NPY: variants seen among roughly 807,000 people sequenced by gnomAD.
NPY encodes neuropeptide Y.
NPY carries 11 observed loss-of-function variants against 13.2 expected under a neutral mutation model. The ratio of observed to expected loss-of-function variants is 0.83; its 90% CI spans 0.52 to 1.38. The LOEUF is 1.38. Among genes scored for constraint, NPY ranks in the 40% most tolerant of loss-of-function variants. The probability of loss-of-function intolerance (pLI) is 0.00; values close to 1 mark genes in which losing one functional copy is unlikely to be tolerated. For synonymous variants in NPY, 51 were observed against 55.6 expected (o/e 0.92, Z 0.37); for missense variants, 109 against 125.1 (o/e 0.87, Z 0.61).
chr7:24,288,005 A>G (rs1161076499), intron 2 of NPY, among the ~76,000 whole-genome samples: 1 of 152,202 alleles, frequency 6.6e-6, no homozygotes, highest in African/African-American at 2.4e-5. Flanking sequence ...TTTGAAAGTT[A>G]CAGCATTGTA....
Position 24,285,102 on chromosome 7 carries a change from C to T in NPY, c.1-139C>T. Reference sequence around the variant, plus strand: ...GTGGTGCTAGCCACTCCTGGGTTCTCTCTGCGGGACTGGGACGAGAGCGGA... The same window carrying T: ...GTGGTGCTAGCCACTCCTGGGTTCTTTCTGCGGGACTGGGACGAGAGCGGA... On this transcript the variant is annotated intron_variant, in intron 1 of 3. Transcript: ENST00000242152. The surrounding 1 kb of genome is among the most constrained non-coding windows in gnomAD (Gnocchi z 4.9). The T allele has an allele frequency of 1.1e-6, 1 of 904,174 alleles. No homozygotes were observed. The highest frequency in any genetic ancestry group is 2.5e-5 in the East Asian group (1 of 40,658). 56.0% of individuals were successfully genotyped at this position (904,174 alleles called of 1,614,324 possible). A position where few individuals can be genotyped will look rare whatever the true frequency, so the allele number is the denominator to read the frequency against.
chr7:24,289,738 CTT>C (rs1787533425), intron 3 of NPY, among the ~76,000 whole-genome samples, 159 bp downstream of exon 3: 1 of 152,134 alleles, frequency 6.6e-6, no homozygotes, highest in African/African-American at 2.4e-5. Context: ...GGAGACCTCT[CTT>C]TTCATGTACT....
rs1362411781 is a variant in NPY at position 24,291,720 on chromosome 7, T to A, written c.*33T>A. ...TGAGACTTGCTCTCTGGCCTTTTCCTATTTTCAGCCCATATTTCATCGTGT... is the reference window on the plus strand; with the variant it reads ...TGAGACTTGCTCTCTGGCCTTTTCCAATTTTCAGCCCATATTTCATCGTGT... On this transcript the variant is annotated 3_prime_UTR_variant, in exon 4 of 4. Transcript: ENST00000242152. The A allele has an allele frequency of 6.2e-7, 1 of 1,613,710 alleles. No homozygotes were observed.
Position 24,289,562 on chromosome 7 carries a change from A to G in NPY, c.252A>G (p.Glu84=), listed in dbSNP as rs1482685752. 6.2e-7 allele frequency: 1 copy of G among 1,610,558 alleles called. No homozygotes were observed. The highest frequency in any genetic ancestry group is 1.7e-5 in the Admixed American group (1 of 59,558). The change falls in exon 3 of 4, where the codon GAA becomes GAG. Residue 84 remains glutamate, a synonymous_variant. Transcript: ENST00000242152. ...ISDLLMREST[E]NVPRTRLEDP... ...ACCTCTTGATGAGAGAAAGCACAGA[A>G]AATGTTCCCAGAACTCGGTATGACA...
At position 24,291,750 on chromosome 7, in the gene NPY, C is replaced by A; in HGVS notation, c.*63C>A. ...TCAGCCCATATTTCATCGTGTAAAA[C>A]GAGAATCCACCCATCCTACCAATGC... is the stretch of plus-strand genomic sequence containing the variant. On this transcript the variant is annotated 3_prime_UTR_variant, in exon 4 of 4. Transcript: ENST00000242152. 1 of 1,589,076 alleles carries A rather than the reference C, an allele frequency of 6.3e-7. No homozygotes were observed. The highest frequency in any genetic ancestry group is 8.6e-7 in the Non-Finnish European group (1 of 1,157,974).
rs5573 is a variant in NPY, at chr7:24,285,390, G to A, written c.150G>A (p.Ser50=). The stretch of plus-strand genomic sequence containing the variant: ...CGGAGGACATGGCCAGATACTACTC[G>A]GCGCTGCGACACTACATCAACCTCA... ...APAEDMARYY[S]ALRHYINLIT... is the part of the protein sequence containing the mutation. Residue 50 remains serine (S), a synonymous_variant, in exon 2 of 4, where the codon TCG becomes TCA. Coordinates refer to ENST00000242152, the MANE Select transcript of NPY (RefSeq NM_000905.4). The surrounding 1 kb of genome is among the most constrained non-coding windows in gnomAD (Gnocchi z 4.9). 0.52 allele frequency: 835,118 copies of A among 1,613,318 alleles called. 218,988 individuals are homozygous for A. Among genetic ancestry groups the A allele is most frequent in the Admixed American group, 0.67 (40,440 of 59,968 alleles).
chr7:24,290,298 T>C (rs1446780702), intron 3 of NPY, among the ~76,000 whole-genome samples: 3 of 152,150 alleles, frequency 2.0e-5, no homozygotes, highest in Admixed American at 2.0e-4. Flanking sequence ...CCTGGTCCTC[T>C]TCCATCTTCA....
chr7:24,290,767 A>AT (rs1787569826), intron 3 of NPY, among the ~76,000 whole-genome samples: 1 of 66,466 alleles, frequency 1.5e-5, no homozygotes, highest in Admixed American at 1.9e-4. Flanking sequence ...TTAAATAATA[A>AT]TAATAATAAT....
At chr7:24,286,497 T>C (rs1787386228) in intron 2 of NPY, among the ~76,000 whole-genome samples, 1 of 152,198 alleles carries the variant, frequency 6.6e-6, no homozygotes, top group South Asian at 2.1e-4. Flanking sequence ...TATTTATTTA[T>C]TTAGTCCATA....
chr7:24,291,744 G>A lies in NPY; in HGVS notation c.*57G>A. ...CTATTTTCAGCCCATATTTCATCGT[G>A]TAAAACGAGAATCCACCCATCCTAC... On this transcript the variant is annotated 3_prime_UTR_variant, in exon 4 of 4. Coordinates refer to ENST00000242152, the MANE Select transcript of NPY (RefSeq NM_000905.4). 2 of 1,604,850 alleles carry A rather than the reference G, an allele frequency of 1.2e-6. No individual in the cohort carries two copies. The highest frequency in any genetic ancestry group is 8.5e-7 in the Non-Finnish European group (1 of 1,172,108).
intron 2 of NPY, among the ~76,000 whole-genome samples, chr7:24,286,983 G>C (rs1388340834): frequency 1.3e-5 from 2 of 152,072 alleles, no homozygotes; most frequent in African/African-American, 4.8e-5. Context: ...TGTTTTCCTA[G>C]GCATTCTCTC....
At position 24,285,036 on chromosome 7, in the gene NPY, G is replaced by C; in HGVS notation, c.1-205G>C. 2 of 600,438 alleles carry C rather than the reference G, an allele frequency of 3.3e-6. No individual in the cohort carries two copies. Among genetic ancestry groups the C allele is most frequent in the Non-Finnish European group, 5.9e-6 (2 of 337,844 alleles). The allele number at this position is 600,438 out of a possible 1,614,324, so 37.2% of individuals were successfully genotyped here. On this transcript the variant is annotated intron_variant, in intron 1 of 3. Transcript: ENST00000242152. The surrounding 1 kb of genome is among the most constrained non-coding windows in gnomAD (Gnocchi z 4.9). ...TTGCGCGAAGTTTTCAGGTGGAGCA[G>C]AGGGGCAGGTCCCGACCGGACGGCG... is the stretch of plus-strand genomic sequence containing the variant.
chr7:24,290,658 A>G (rs1469178038), intron 3 of NPY, among the ~76,000 whole-genome samples: 2 of 151,914 alleles, frequency 1.3e-5, no homozygotes, highest in African/African-American at 4.8e-5. Flanking sequence ...GAACTGAGAT[A>G]AAACTCCAGT....
chr7:24,290,298 T>G (rs1446780702), intron 3 of NPY, among the ~76,000 whole-genome samples: 2 of 152,150 alleles, frequency 1.3e-5, no homozygotes, highest in Non-Finnish European at 2.9e-5. Context: ...CCTGGTCCTC[T>G]TCCATCTTCA....
intron 2 of NPY, among the ~76,000 whole-genome samples, chr7:24,286,598 T>G (rs780113584): frequency 1.1e-4 from 17 of 152,190 alleles, no homozygotes; most frequent in Admixed American, 3.3e-4. Context: ...TTTTTCCTGT[T>G]TCATCAAAAA....
At position 24,285,283 on chromosome 7, in the gene NPY, G is replaced by A; in HGVS notation, c.43G>A (p.Ala15Thr). 2 of 1,614,034 alleles carry A rather than the reference G, an allele frequency of 1.2e-6. No individual in the cohort carries two copies. Among genetic ancestry groups the A allele is most frequent in the Non-Finnish European group, 1.7e-6 (2 of 1,179,970 alleles). ...ACTGGGGCTGTCCGGACTGACCCTC[G>A]CCCTGTCCCTGCTCGTGTGCCTGGG... ...KRLGLSGLTL[A>T]LSLLVCLGAL... The change falls in exon 2 of 4, where the codon GCC (alanine) becomes ACC (threonine). Residue 15 changes from alanine (A) to threonine (T), a missense_variant. By Grantham distance (58) the Ala-to-Thr change is moderately conservative. Coordinates refer to ENST00000242152, the MANE Select transcript of NPY (RefSeq NM_000905.4). This position sits in a 1 kb window ranked among gnomAD's most constrained non-coding sequence, Gnocchi z 4.9.
chr7:24,287,016 T>G (rs954927080), intron 2 of NPY, among the ~76,000 whole-genome samples: 1 of 152,208 alleles, frequency 6.6e-6, no homozygotes, highest in East Asian at 1.9e-4. Context: ...CCTCAAAGCT[T>G]TGAAGGGAGT....
At chr7:24,287,909 C>G (rs1787450516) in intron 2 of NPY, among the ~76,000 whole-genome samples, 1 of 152,134 alleles carries the variant, frequency 6.6e-6, no homozygotes, top group Non-Finnish European at 1.5e-5. Flanking sequence ...GGGATGGGGC[C>G]TGGGCTTTAG....
chr7:24,285,877 G>A lies in NPY; in HGVS notation c.188+449G>A, dbSNP rs189964026. Among the ~76,000 whole-genome samples the A allele has an allele frequency of 2.6e-3, 390 of 152,266 alleles. 2 individuals are homozygous for A. The highest frequency in any genetic ancestry group is 8.8e-3 in the African/African-American group (366 of 41,550). On this transcript the variant is annotated intron_variant, in intron 2 of 3. Transcript: ENST00000242152. This position sits in a 1 kb window ranked among gnomAD's most constrained non-coding sequence, Gnocchi z 4.9. ...ACCAAACCAAGGAGTAAACTGCAGG[G>A]TTGCCACAGACATTGTCAGACTTTC...
Sources: gnomAD v4.1 joint callset for allele counts (sites outside exome capture counted in the v4.1 genomes callset) on GRCh38, gnomAD v4.1.1 for gene constraint, Gnocchi (gnomAD v3.1) non-coding constraint, MANE v1.5 for transcripts, NCBI Gene and HGNC (gene_info 2026-07-23, HGNC 2026-07-21) for gene names.